The following PCCA variants were observed in gnomAD, a reference collection of about 807,000 sequenced individuals.
PCCA encodes the protein propionyl-CoA carboxylase subunit alpha.
Under a neutral mutation model 101.3 loss-of-function variants are expected in PCCA, and 74 were observed. That is an observed-to-expected ratio of 0.73 (90% CI 0.61 to 0.89). PCCA has a LOEUF of 0.89. Ranked by LOEUF, PCCA falls within the 40% of genes least tolerant of loss-of-function variation. The pLI is 0.00. For synonymous variants in PCCA, 294 were observed against 313.6 expected (o/e 0.94, Z 0.66); for missense variants, 891 against 907.0 (o/e 0.98, Z 0.23).
At chr13:100,305,405 T>C (rs1475637013) in intron 14 of PCCA, among the ~76,000 whole-genome samples, 2 of 152,200 alleles carry the variant, frequency 1.3e-5, no homozygotes, top group Non-Finnish European at 2.9e-5. Context: ...ATATTCTTTA[T>C]TGTCTATGTT....
chr13:100,090,338 A>G (rs561667470), intron 1 of PCCA, among the ~76,000 whole-genome samples: 12 of 152,146 alleles, frequency 7.9e-5, no homozygotes, highest in South Asian at 2.1e-4. Flanking sequence ...GTTCCCATAC[A>G]GTTTAGTGTT....
chr13:100,252,981 C>A (rs141125807), intron 8 of PCCA, among the ~76,000 whole-genome samples: 2 of 152,144 alleles, frequency 1.3e-5, no homozygotes, highest in East Asian at 3.9e-4. Context: ...ACTCATCCCC[C>A]CTCACTGATT....
At chr13:100,090,410 T>C (rs1467615068) in intron 1 of PCCA, among the ~76,000 whole-genome samples, 1 of 152,376 alleles carries the variant, frequency 6.6e-6, no homozygotes, top group African/African-American at 2.4e-5. Flanking sequence ...GTAAGACTTA[T>C]GCATTTACAT....
intron 6 of PCCA, among the ~76,000 whole-genome samples, chr13:100,172,031 CAAA>C (rs3034651): frequency 2.2e-4 from 22 of 100,798 alleles, no homozygotes; most frequent in Middle Eastern, 6.7e-3. Flanking sequence ...GACTCTGTCT[CAAA>C]AAAAAAAAAA....
chr13:100,210,071 T>C (rs1049199175), intron 7 of PCCA, among the ~76,000 whole-genome samples: 11 of 152,070 alleles, frequency 7.2e-5, no homozygotes, highest in Non-Finnish European at 1.0e-4. Context: ...CCTCTCGCCA[T>C]GACTCAAGAA....
chr13:100,112,080 T>C lies in PCCA; in HGVS notation c.300+19T>C. ...TAGTTCTGTAAGTATATTTTTGCTT[T>C]GTTTAAATCAGGACTTAATTTTGGG... On this transcript the variant is annotated intron_variant, in intron 4 of 23. Coordinates refer to ENST00000376285, the MANE Select transcript of PCCA (RefSeq NM_000282.4). 6.3e-7 allele frequency: 1 copy of C among 1,594,244 alleles called. No homozygotes were observed. The highest frequency in any genetic ancestry group is 8.6e-7 in the Non-Finnish European group (1 of 1,163,978).
intron 1 of PCCA, among the ~76,000 whole-genome samples, chr13:100,096,946 T>C (rs569506782): frequency 3.9e-5 from 6 of 152,276 alleles, no homozygotes; most frequent in Admixed American, 2.0e-4. Context: ...CCCAGTACTT[T>C]GGGAGGCCGA....
At chr13:100,183,852 G>C (rs1452631411) in intron 6 of PCCA, among the ~76,000 whole-genome samples, 1 of 152,120 alleles carries the variant, frequency 6.6e-6, no homozygotes, top group African/African-American at 2.4e-5. Context: ...GCTTTGAAAT[G>C]CTTCAGGGGA....
intron 7 of PCCA, among the ~76,000 whole-genome samples, chr13:100,216,044 A>C (rs1566725942): frequency 1.3e-5 from 2 of 152,044 alleles, no homozygotes; most frequent in Non-Finnish European, 2.9e-5. Context: ...GCAGTATTTT[A>C]ATTTTCCTCC....
chr13:100,452,319 G>C (rs1473997100), intron 21 of PCCA, among the ~76,000 whole-genome samples: 2 of 151,626 alleles, frequency 1.3e-5, no homozygotes, highest in Non-Finnish European at 2.9e-5. Flanking sequence ...GCCATCTCTT[G>C]TTTGGAGGAT....
At chr13:100,141,587 A>G (rs978971776) in intron 4 of PCCA, among the ~76,000 whole-genome samples, 7 of 151,758 alleles carry the variant, frequency 4.6e-5, no homozygotes, top group Non-Finnish European at 8.8e-5. Context: ...ATTTTTTTGT[A>G]TTTTTAATAG....
At chr13:100,383,116 A>G (rs756228583) in intron 19 of PCCA, among the ~76,000 whole-genome samples, 8 of 152,038 alleles carry the variant, frequency 5.3e-5, no homozygotes, top group Non-Finnish European at 1.2e-4. Flanking sequence ...TCAGTCCCCC[A>G]AGTAGCTGAG....
At chr13:100,317,306 G>A (rs2067472040) in intron 16 of PCCA, among the ~76,000 whole-genome samples, 1 of 152,018 alleles carries the variant, frequency 6.6e-6, no homozygotes, top group Admixed American at 6.6e-5. Flanking sequence ...CATATTGCTG[G>A]TTTTATTTCA....
At chr13:100,494,017 C>T (rs1566452976) in intron 21 of PCCA, among the ~76,000 whole-genome samples, 2 of 151,906 alleles carry the variant, frequency 1.3e-5, no homozygotes, top group Non-Finnish European at 1.5e-5. Context: ...GGTGAAACCC[C>T]ATCTCTACTA....
At chr13:100,480,550 A>T (rs2083814331) in intron 21 of PCCA, among the ~76,000 whole-genome samples, 1 of 152,220 alleles carries the variant, frequency 6.6e-6, no homozygotes. Context: ...GCTAAGGCAG[A>T]CACAGGGATG....
At chr13:100,212,669 A>G (rs905003818) in intron 7 of PCCA, among the ~76,000 whole-genome samples, 7 of 152,008 alleles carry the variant, frequency 4.6e-5, no homozygotes, top group South Asian at 2.1e-4. Context: ...CTTCCATCCA[A>G]TTAATTTTTT....
intron 1 of PCCA, among the ~76,000 whole-genome samples, chr13:100,092,066 G>C (rs756144173): frequency 1.3e-5 from 2 of 151,398 alleles, no homozygotes; most frequent in East Asian, 4.0e-4. Flanking sequence ...GACTACAGGC[G>C]CACGCCACCA....
chr13:100,304,139 A>G (rs971776541), intron 14 of PCCA, among the ~76,000 whole-genome samples: 2 of 152,246 alleles, frequency 1.3e-5, no homozygotes, highest in East Asian at 3.8e-4. Flanking sequence ...TGGACAAACT[A>G]TACCCCCTAC....
intron 18 of PCCA, among the ~76,000 whole-genome samples, chr13:100,353,113 T>C (rs2073478917): frequency 6.6e-6 from 1 of 152,204 alleles, no homozygotes; most frequent in Admixed American, 6.5e-5. Flanking sequence ...TAAACATATA[T>C]GTACCTAATA....
Sources: allele counts gnomAD v4.1 joint callset (sites outside exome capture counted in the v4.1 genomes callset), GRCh38; gene constraint gnomAD v4.1.1; transcripts MANE v1.5; gene names NCBI Gene and HGNC (gene_info 2026-07-23, HGNC 2026-07-21).